Variants in CUX1 observed in about 807,000 individuals in gnomAD.
The protein encoded by CUX1 is protein CASP.
Under a neutral mutation model 158.8 loss-of-function variants are expected in CUX1, and 31 were observed. The observed-to-expected ratio is 0.20, with a 90% CI of 0.15 to 0.26. The LOEUF (loss-of-function observed/expected upper bound fraction) is 0.26. Ranked by LOEUF, CUX1 falls within the 10% of genes least tolerant of loss-of-function variation. The pLI, the probability that CUX1 is intolerant of heterozygous loss-of-function variation, is 1.00. For missense variants in CUX1, 1,589 were observed against 2,014.6 expected (o/e 0.79, Z 4.04); for synonymous variants, 879 against 862.1 (o/e 1.02, Z -0.34).
intron 2 of CUX1, among the ~76,000 whole-genome samples, chr7:102,023,595 G>A (rs374546891): frequency 4.6e-5 from 7 of 152,252 alleles, no homozygotes; most frequent in African/African-American, 1.7e-4. Flanking sequence ...CAATGTGCTG[G>A]GACTATAGGC....
intron 2 of CUX1, among the ~76,000 whole-genome samples, chr7:102,021,150 CG>C (rs1261457819): frequency 1.3e-5 from 2 of 152,062 alleles, no homozygotes; most frequent in African/African-American, 4.8e-5. Flanking sequence ...ACATTGTCTC[CG>C]AAGGAGAAAG....
chr7:102,064,182 G>A lies in CUX1; in HGVS notation c.190-6157G>A, dbSNP rs550764976. Among the ~76,000 whole-genome samples the A allele has an allele frequency of 3.2e-4, 48 of 151,982 alleles. No homozygotes were observed. The South Asian group carries it at 8.1e-3, about 26-fold the overall frequency. ...CCAGTGTCTAACCGTCTCTAGATCCGTCCTGGTTTAGCTTCTTCCAAATAG... is the reference window on the plus strand; with the variant it reads ...CCAGTGTCTAACCGTCTCTAGATCCATCCTGGTTTAGCTTCTTCCAAATAG... On this transcript the variant is annotated intron_variant, in intron 3 of 23. Coordinates refer to ENST00000292535, the MANE Select transcript of CUX1 (RefSeq NM_181552.4).
intron 1 of CUX1, among the ~76,000 whole-genome samples, chr7:101,894,728 A>T (rs1284831286): frequency 1.3e-5 from 2 of 152,238 alleles, no homozygotes; most frequent in East Asian, 3.8e-4. Context: ...TTCTGGTCTT[A>T]AATAAAACTC....
rs555545954 is a variant in CUX1, at chr7:102,209,132, A to G, written c.3130+3962A>G. On this transcript the variant is annotated intron_variant, in intron 20 of 23. Coordinates refer to ENST00000292535, the MANE Select transcript of CUX1 (RefSeq NM_181552.4). ...CAGCAAGCTGCTGGCCCAGGAGTCT[A>G]TTTTCTTTTCCTCACTGAGAGCTCC... Among the ~76,000 whole-genome samples, 5 of 152,188 alleles carry G rather than the reference A, an allele frequency of 3.3e-5. No individual in the cohort carries two copies. In the East Asian group the frequency reaches 9.7e-4, roughly 29 times the overall value.
At chr7:102,180,929 T>TTATTG in intron 11 of CUX1, among the ~76,000 whole-genome samples, 1 of 145,642 alleles carries the variant, frequency 6.9e-6, no homozygotes, top group East Asian at 2.0e-4. Context: ...GTATTTTATT[T>TTATTG]TATTTTATTT....
chr7:102,221,491 A>G (rs1179952640), intron 20 of CUX1, among the ~76,000 whole-genome samples: 2 of 152,196 alleles, frequency 1.3e-5, no homozygotes, highest in African/African-American at 4.8e-5. Flanking sequence ...TGGAAATTTC[A>G]ACAGTAGATC....
In CUX1 at chr7:102,253,239, C is replaced by T. The variant is rs887818454; in HGVS notation, c.*4197C>T. On this transcript the variant is annotated 3_prime_UTR_variant, in exon 24 of 24. Transcript: ENST00000292535. ...AGAGCTCTGGGTTAAATATTCCTTTCTGGCCACCGCCCAAGCCCAGGTGGC... is the reference window on the plus strand; with the variant it reads ...AGAGCTCTGGGTTAAATATTCCTTTTTGGCCACCGCCCAAGCCCAGGTGGC... 1 of 985,556 alleles carries T rather than the reference C, an allele frequency of 1.0e-6. No homozygotes were observed. The highest frequency in any genetic ancestry group is 1.2e-6 in the Non-Finnish European group (1 of 830,012). 61.1% of individuals were successfully genotyped at this position (985,556 alleles called of 1,614,324 possible). A position where few individuals can be genotyped will look rare whatever the true frequency, so the allele number is the denominator to read the frequency against.
intron 2 of CUX1, among the ~76,000 whole-genome samples, chr7:101,934,348 T>TTA (rs978830772): frequency 2.0e-5 from 3 of 152,228 alleles, no homozygotes; most frequent in African/African-American, 7.2e-5. Context: ...TTCACTATAA[T>TTA]GCGCTCCCAT....
At chr7:102,216,546 A>ACTCT (rs145620241) in intron 20 of CUX1, among the ~76,000 whole-genome samples, 1 of 98,156 alleles carries the variant, frequency 1.0e-5, no homozygotes, top group East Asian at 3.9e-4. Context: ...ACACACACAC[A>ACTCT]CCCACACACG....
chr7:102,134,601 CTT>C (rs1833687879), intron 8 of CUX1, among the ~76,000 whole-genome samples: 1 of 152,044 alleles, frequency 6.6e-6, no homozygotes, highest in South Asian at 2.1e-4. Context: ...TGCCACATGA[CTT>C]TTTATTTGTT....
intron 8 of CUX1, among the ~76,000 whole-genome samples, chr7:102,144,709 A>T (rs375788055): frequency 6.6e-6 from 1 of 151,596 alleles, no homozygotes; most frequent in Non-Finnish European, 1.5e-5. Context: ...AATCATAATA[A>T]TTTTTTAATA....
At chr7:102,098,772 C>T (rs1177123958) in intron 5 of CUX1, among the ~76,000 whole-genome samples, 5 of 148,654 alleles carry the variant, frequency 3.4e-5, no homozygotes, top group Non-Finnish European at 5.9e-5. Context: ...TCCCGAATAG[C>T]TGGGACTACA....
intron 1 of CUX1, among the ~76,000 whole-genome samples, chr7:101,845,825 G>T (rs753237255): frequency 1.3e-5 from 2 of 152,046 alleles, no homozygotes; most frequent in Non-Finnish European, 2.9e-5. Flanking sequence ...CCTGGCCAAC[G>T]TGGTAAAACC....
intron 8 of CUX1, among the ~76,000 whole-genome samples, chr7:102,120,397 C>A (rs1293077151): frequency 6.6e-6 from 1 of 152,212 alleles, no homozygotes; most frequent in Non-Finnish European, 1.5e-5. Flanking sequence ...TGAAATACTA[C>A]ATTTTTTATA....
chr7:102,077,412 G>A (rs1020611349), intron 4 of CUX1, among the ~76,000 whole-genome samples: 2 of 151,682 alleles, frequency 1.3e-5, no homozygotes, highest in Admixed American at 6.6e-5. Flanking sequence ...TCTGGGGATC[G>A]GGCGCAGTGG....
At chr7:102,282,091 G>C (rs60786272) in intron 21 of CUX1, among the ~76,000 whole-genome samples, 2,768 of 152,242 alleles carry the variant, frequency 0.018, 82 homozygotes, top group African/African-American at 0.063. Context: ...CCAGGGACGA[G>C]AAGGACCCAC....
chr7:101,900,555 G>T (rs1465115995), intron 1 of CUX1, among the ~76,000 whole-genome samples: 1 of 152,330 alleles, frequency 6.6e-6, no homozygotes, highest in South Asian at 2.1e-4. Context: ...GGATGAACTT[G>T]CTCTGCCTTG....
intron 20 of CUX1, among the ~76,000 whole-genome samples, chr7:102,206,005 A>T (rs574969876): frequency 6.6e-6 from 1 of 152,252 alleles, no homozygotes; most frequent in African/African-American, 2.4e-5. Context: ...TTTTCTAAAC[A>T]TGTTGATTCG....
intron 3 of CUX1, among the ~76,000 whole-genome samples, chr7:102,028,527 T>C (rs1340022502): frequency 6.6e-6 from 1 of 152,146 alleles, no homozygotes; most frequent in African/African-American, 2.4e-5. Context: ...GTGCCATAAG[T>C]GTGGTGCTTT....
Sources: allele counts gnomAD v4.1 joint callset (sites outside exome capture counted in the v4.1 genomes callset), GRCh38; gene constraint gnomAD v4.1.1; transcripts MANE v1.5; gene names NCBI Gene and HGNC (gene_info 2026-07-23, HGNC 2026-07-21).